The following ZFPM1 variants were observed in gnomAD, a reference collection of about 807,000 sequenced individuals.
ZFPM1 encodes zinc finger protein, FOG family member 1, also known as zinc finger protein ZFPM1.
ZFPM1 carries 28 observed loss-of-function variants against 46.3 expected under a neutral mutation model. The ratio of observed to expected loss-of-function variants is 0.60; its 90% CI spans 0.45 to 0.83. The LOEUF is 0.83. Among genes scored for constraint, ZFPM1 ranks in the 40% least tolerant of loss-of-function variants. The pLI is 0.00. For missense variants in ZFPM1, 1,878 were observed against 1,432.4 expected, an observed-to-expected ratio of 1.31 and a Z score of -5.02; for synonymous variants, 957 against 675.9, an observed-to-expected ratio of 1.42 and a Z score of -6.45.
intron 4 of ZFPM1, among the ~76,000 whole-genome samples, chr16:88,525,670 G>A (rs2039918965): frequency 1.3e-5 from 2 of 152,188 alleles, no homozygotes; most frequent in Non-Finnish European, 2.9e-5. Context: ...GAGGGACCGA[G>A]GCCTGAGGGG....
intron 4 of ZFPM1, chr16:88,516,373 C>T (rs973321096): frequency 9.1e-5 from 36 of 397,592 alleles, no homozygotes; most frequent in Non-Finnish European, 1.5e-4. Flanking sequence ...CCTGGGGATA[C>T]GGGCACGGGG....
At chr16:88,482,818 G>A (rs1341650832) in intron 1 of ZFPM1, among the ~76,000 whole-genome samples, 1 of 152,180 alleles carries the variant, frequency 6.6e-6, no homozygotes. Context: ...GCCTCTAGAA[G>A]GGGGAGGAGC....
rs1207224603 is a variant in ZFPM1, at chr16:88,489,015, G to A, written c.146-16G>A. 2 of 1,610,206 alleles carry A rather than the reference G, an allele frequency of 1.2e-6. No homozygotes were observed. Among genetic ancestry groups the A allele is most frequent in the Non-Finnish European group, 1.7e-6 (2 of 1,178,094 alleles). On this transcript the variant is annotated splice_polypyrimidine_tract_variant and intron_variant, in intron 2 of 9. Transcript: ENST00000319555. ...CGGCACTCAGCAGGGATGTGACGGTGTTTTCCTCTCTGCAGATGTTAACTC... is the reference window on the plus strand; with the variant it reads ...CGGCACTCAGCAGGGATGTGACGGTATTTTCCTCTCTGCAGATGTTAACTC...
At position 88,535,174 on chromosome 16, in the gene ZFPM1, G is replaced by A; in HGVS notation, c.*195G>A. The A allele has an allele frequency of 1.7e-6, 1 of 591,520 alleles. No individual in the cohort carries two copies. 36.6% of individuals were successfully genotyped at this position (591,520 alleles called of 1,614,324 possible). ...AGTTCAGTTTGATGAGCATGGTGGT[G>A]GGCCAGCCTAGTTCTCTGAGCCAGC... On this transcript the variant is annotated 3_prime_UTR_variant, in exon 10 of 10. Coordinates refer to ENST00000319555, the MANE Select transcript of ZFPM1 (RefSeq NM_153813.3).
intron 2 of ZFPM1, among the ~76,000 whole-genome samples, chr16:88,487,541 G>A (rs2142375204): frequency 6.6e-6 from 1 of 152,258 alleles, no homozygotes; most frequent in South Asian, 2.1e-4. Flanking sequence ...CGGGGGTGGG[G>A]GAGAGGTTTC....
rs1421799090 is a variant in ZFPM1, at chr16:88,534,038, C to T, written c.2080C>T (p.Arg694Cys). The T allele has an allele frequency of 1.5e-6, 2 of 1,345,742 alleles. No individual in the cohort carries two copies. The highest frequency in any genetic ancestry group is 1.7e-5 in the African/African-American group (1 of 60,010). 83.4% of individuals were successfully genotyped at this position (1,345,742 alleles called of 1,614,324 possible). The change falls in exon 10 of 10, where the codon CGC (arginine) becomes TGC (cysteine). Residue 694 changes from arginine (R) to cysteine (C), a missense_variant. Arg to Cys is a radical substitution (Grantham distance 180). Transcript: ENST00000319555. ...CGAGGCCTGCAACATCCGCTTCAGC[C>T]GCCACGAGACCTACACCGTGCACAA... Reference protein sequence around the residue: ...LCEACNIRFSRHETYTVHKRY... With the variant: ...LCEACNIRFSCHETYTVHKRY...
chr16:88,457,592 A>G (rs1031101536), intron 1 of ZFPM1, among the ~76,000 whole-genome samples: 72 of 151,352 alleles, frequency 4.8e-4, no homozygotes, highest in African/African-American at 1.7e-3. Flanking sequence ...CATCATTGTC[A>G]TCTCAGAGTC....
intron 3 of ZFPM1, among the ~76,000 whole-genome samples, chr16:88,498,034 C>T (rs1910037057): frequency 6.6e-6 from 1 of 152,202 alleles, no homozygotes; most frequent in African/African-American, 2.4e-5. Flanking sequence ...CGGCCCTGTG[C>T]TGCCCCCGAT....
At chr16:88,524,592 C>T (rs72807423) in intron 4 of ZFPM1, among the ~76,000 whole-genome samples, 11,610 of 152,344 alleles carry the variant, frequency 0.076, 516 homozygotes, top group South Asian at 0.16. Flanking sequence ...TTTGTCCTGC[C>T]AGGTCAACCC....
At chr16:88,455,045 T>C (rs1480151952) in intron 1 of ZFPM1, among the ~76,000 whole-genome samples, 1 of 151,928 alleles carries the variant, frequency 6.6e-6, no homozygotes, top group African/African-American at 2.4e-5. Context: ...TCAACTCAAG[T>C]ATTAAAAGCC....
intron 1 of ZFPM1, among the ~76,000 whole-genome samples, chr16:88,461,148 A>C: frequency 1.5e-5 from 1 of 68,640 alleles, no homozygotes; most frequent in African/African-American, 8.0e-5. Flanking sequence ...CCTGGTGAGG[A>C]CCGAGGGGCG....
chr16:88,534,532 C>T lies in ZFPM1; in HGVS notation c.2574C>T (p.Tyr858=), dbSNP rs766461336. Residue 858 remains tyrosine, a synonymous_variant, in exon 10 of 10, where the codon TAC becomes TAT. Transcript: ENST00000319555. ...GCCTGCCCGCCGCCGCCTGCCCCTACTGCCCCCCGAACGGCCCGGTGCGCG... is the reference window on the plus strand; with the variant it reads ...GCCTGCCCGCCGCCGCCTGCCCCTATTGCCCCCCGAACGGCCCGGTGCGCG... ...ALGLPAAACP[Y]CPPNGPVRGD... 2.8e-5 allele frequency: 39 copies of T among 1,413,164 alleles called. No individual in the cohort carries two copies. The African/African-American group carries it at 5.1e-4, about 19-fold the overall frequency. The allele number at this position is 1,413,164 out of a possible 1,614,324, so 87.5% of individuals were successfully genotyped here.
At chr16:88,494,606 G>C (rs528030179) in intron 3 of ZFPM1, among the ~76,000 whole-genome samples, 1 of 152,196 alleles carries the variant, frequency 6.6e-6, no homozygotes, top group Non-Finnish European at 1.5e-5. Flanking sequence ...AGGGTGAGTC[G>C]GGGCCCTGCA....
chr16:88,491,046 G>A (rs969192738), intron 3 of ZFPM1, among the ~76,000 whole-genome samples: 6 of 149,742 alleles, frequency 4.0e-5, no homozygotes, highest in African/African-American at 1.5e-4. Context: ...TGGTGCCTTC[G>A]GGGGTCTCGG....
intron 1 of ZFPM1, among the ~76,000 whole-genome samples, chr16:88,459,767 C>CCCTCCTCCTCCCCCTTCCCCTCCT (rs144775415): frequency 5.8e-5 from 3 of 51,746 alleles, no homozygotes; most frequent in Non-Finnish European, 1.1e-4. Flanking sequence ...CTCCCTCTCC[C>CCCTCCTCCTCCCCCTTCCCCTCCT]CCTCCCCCTT....
chr16:88,528,267 CG>C lies in ZFPM1; in HGVS notation c.712+31del, dbSNP rs1567554389. 5.1e-6 allele frequency: 8 copies of C among 1,561,012 alleles called. No individual in the cohort carries two copies. In the South Asian group the frequency reaches 9.2e-5, roughly 18 times the overall value. On this transcript the variant is annotated intron_variant, in intron 6 of 9. Coordinates refer to ENST00000319555, the MANE Select transcript of ZFPM1 (RefSeq NM_153813.3). ...AGTGCTGGGCTCTCCGCACCCAGGG[CG>C]GCTGCTCCACCAAGGAGGAGCAGGC... is the stretch of plus-strand genomic sequence containing the variant.
At chr16:88,488,545 G>A (rs918610933) in intron 2 of ZFPM1, among the ~76,000 whole-genome samples, 3 of 152,140 alleles carry the variant, frequency 2.0e-5, no homozygotes, top group Admixed American at 6.5e-5. Context: ...CCTTATCGCG[G>A]GTATTAATAA....
intron 4 of ZFPM1, among the ~76,000 whole-genome samples, chr16:88,517,522 G>A (rs1219228069): frequency 6.6e-6 from 1 of 151,304 alleles, no homozygotes; most frequent in Admixed American, 6.6e-5. Context: ...ATGGATGGTT[G>A]GATAGGTGGG....
intron 3 of ZFPM1, 90 bp downstream of exon 3, chr16:88,489,243 G>C: frequency 6.8e-7 from 1 of 1,477,648 alleles, no homozygotes; most frequent in Non-Finnish European, 9.0e-7. Context: ...TGCTGGGGCA[G>C]GTGTGCAGGT....
Sources: allele counts gnomAD v4.1 joint callset (sites outside exome capture counted in the v4.1 genomes callset), GRCh38; gene constraint gnomAD v4.1.1; transcripts MANE v1.5; gene names NCBI Gene and HGNC (gene_info 2026-07-23, HGNC 2026-07-21).